The following PCDHGA11 variants were observed in gnomAD, a reference collection of about 807,000 sequenced individuals.
PCDHGA11 encodes the protein protocadherin gamma-A11.
In PCDHGA11, 39 loss-of-function variants were observed where a neutral mutation model predicts 60.4. The ratio of observed to expected loss-of-function variants is 0.65; its 90% CI spans 0.50 to 0.84. The LOEUF is 0.84. PCDHGA11 is among the 40% of genes least tolerant of loss of function. PCDHGA11 has a pLI of 0.00. For synonymous variants in PCDHGA11, 533 were observed against 510.3 expected (o/e 1.04, Z -0.60); for missense variants, 1,165 against 1,197.7 (o/e 0.97, Z 0.40).
In PCDHGA11 at chr5:141,487,844, A is replaced by T; in HGVS notation, c.2434-6963A>T. The T allele has an allele frequency of 1.9e-6, 2 of 1,043,194 alleles. No individual in the cohort carries two copies. The highest frequency in any genetic ancestry group is 2.7e-6 in the Non-Finnish European group (2 of 730,908). The allele number at this position is 1,043,194 out of a possible 1,614,324, so 64.6% of individuals were successfully genotyped here. ...CGGGTCATGCCTATATCTGAGTAAG[A>T]AATGAAAGTAATTGGTGATCAAGAG... On this transcript the variant is annotated intron_variant, in intron 1 of 3. Transcript: ENST00000398587. This position sits in a 1 kb window ranked among gnomAD's most constrained non-coding sequence, Gnocchi z 5.0.
At chr5:141,460,981 GTGTATATA>G (rs1342006423) in intron 1 of PCDHGA11, among the ~76,000 whole-genome samples, 30 of 121,890 alleles carry the variant, frequency 2.5e-4, no homozygotes, top group African/African-American at 5.8e-4. Flanking sequence ...GTGTGTGTGT[GTGTATATA>G]TATATATGTG....
chr5:141,474,325 C>A (rs540113771), intron 1 of PCDHGA11, among the ~76,000 whole-genome samples: 1 of 152,256 alleles, frequency 6.6e-6, no homozygotes, highest in Admixed American at 6.5e-5. Context: ...TTTCAAATCA[C>A]CCTGATGTTT....
intron 3 of PCDHGA11, among the ~76,000 whole-genome samples, chr5:141,505,766 C>T (rs1420683619): frequency 2.0e-5 from 3 of 151,768 alleles, no homozygotes; most frequent in African/African-American, 4.8e-5. Context: ...CAGTGTAGCT[C>T]AGGTCCTAGC....
At chr5:141,462,206 T>A (rs574863016) in intron 1 of PCDHGA11, among the ~76,000 whole-genome samples, 7 of 152,066 alleles carry the variant, frequency 4.6e-5, no homozygotes, top group African/African-American at 1.7e-4. Flanking sequence ...GTGATCCGCC[T>A]GCCTCGGCCT....
At chr5:141,440,472 A>C (rs913774913) in intron 1 of PCDHGA11, 6 of 152,322 alleles carry the variant, frequency 3.9e-5, no homozygotes, top group Admixed American at 3.9e-4. Flanking sequence ...ACGGTAGTTG[A>C]AAATTCTTTA....
In PCDHGA11 at chr5:141,423,303, G is replaced by C. The variant is rs779246046; in HGVS notation, c.2076G>C (p.Leu692=). 2 of 1,614,172 alleles carry C rather than the reference G, an allele frequency of 1.2e-6. No individual in the cohort carries two copies. The highest frequency in any genetic ancestry group is 1.7e-6 in the Non-Finnish European group (2 of 1,180,038). The change falls in exon 1 of 4, where the codon CTG becomes CTC. Residue 692 remains leucine (L), a synonymous_variant. Coordinates refer to ENST00000398587, the MANE Select transcript of PCDHGA11 (RefSeq NM_018914.3). Reference sequence around the variant, plus strand: ...ACTCTGAAACCTCAGACCTCTCGCTGTACTTGGTGGTGGCGGTGGCCGCAG... The same window carrying C: ...ACTCTGAAACCTCAGACCTCTCGCTCTACTTGGTGGTGGCGGTGGCCGCAG... ...LANSETSDLS[L]YLVVAVAAVS...
chr5:141,491,110 C>T lies in PCDHGA11; in HGVS notation c.2434-3697C>T. On this transcript the variant is annotated intron_variant, in intron 1 of 3. Transcript: ENST00000398587. This position sits in a 1 kb window ranked among gnomAD's most constrained non-coding sequence, Gnocchi z 6.9. ...CCCAGGACTGTTCCTCGTGTCTACA[C>T]ACACTGGTGAGGTGCGCACAGCCCG... 3.7e-6 allele frequency: 6 copies of T among 1,614,212 alleles called. No individual in the cohort carries two copies. Among genetic ancestry groups the T allele is most frequent in the Non-Finnish European group, 5.1e-6 (6 of 1,180,024 alleles).
At chr5:141,509,310 G>A (rs1223508453) in intron 3 of PCDHGA11, among the ~76,000 whole-genome samples, 2 of 152,174 alleles carry the variant, frequency 1.3e-5, no homozygotes, top group Non-Finnish European at 1.5e-5. Flanking sequence ...GAGGGAGGCT[G>A]GGAGAGAAGC....
At chr5:141,478,020 A>G (rs1315422039) in intron 1 of PCDHGA11, 2 of 1,613,976 alleles carry the variant, frequency 1.2e-6, no homozygotes, top group Non-Finnish European at 1.7e-6. Flanking sequence ...CGTCCAGTCC[A>G]AGACACAGAT....
At position 141,487,249 on chromosome 5, in the gene PCDHGA11, C is replaced by T. The variant is rs757148469; in HGVS notation, c.2434-7558C>T. ...AAGGAGAATCTCGTCTAACCCTCTACTTGGCTGTGTCCCTAGTGGCAATTT... is the reference window on the plus strand; with the variant it reads ...AAGGAGAATCTCGTCTAACCCTCTATTTGGCTGTGTCCCTAGTGGCAATTT... On this transcript the variant is annotated intron_variant, in intron 1 of 3. Coordinates refer to ENST00000398587, the MANE Select transcript of PCDHGA11 (RefSeq NM_018914.3). The surrounding 1 kb of genome is among the most constrained non-coding windows in gnomAD (Gnocchi z 5.0). 2.5e-6 allele frequency: 4 copies of T among 1,614,164 alleles called. No homozygotes were observed. In the South Asian group the frequency reaches 4.4e-5, roughly 18 times the overall value.
chr5:141,484,591 T>C (rs2099597977), intron 1 of PCDHGA11, among the ~76,000 whole-genome samples: 1 of 152,020 alleles, frequency 6.6e-6, no homozygotes, highest in African/African-American at 2.4e-5. Flanking sequence ...AAGCTACTCA[T>C]TTAGAATACT....
chr5:141,500,182 A>ATTTT lies in PCDHGA11; in HGVS notation c.2493-5209_2493-5206dup, dbSNP rs1199992745. Among the ~76,000 whole-genome samples the ATTTT allele has an allele frequency of 1.7e-3, 223 of 131,716 alleles. 2 individuals are homozygous for ATTTT. Among genetic ancestry groups the ATTTT allele is most frequent in the African/African-American group, 6.2e-3 (201 of 32,350 alleles). The allele number at this position is 131,716 out of a possible 152,430, so 86.4% of individuals were successfully genotyped here. On this transcript the variant is annotated intron_variant, in intron 2 of 3. Transcript: ENST00000398587. ...AAGAACATGCATGAGCTTCATTTTT[A>ATTTT]TTTTTATTTATTTATTTATTTATTT...
intron 2 of PCDHGA11, among the ~76,000 whole-genome samples, chr5:141,498,260 A>C (rs1044675509): frequency 6.6e-6 from 1 of 152,140 alleles, no homozygotes; most frequent in Non-Finnish European, 1.5e-5. Flanking sequence ...GCTGGTGTTG[A>C]GTTCTTCAGT....
intron 1 of PCDHGA11, among the ~76,000 whole-genome samples, chr5:141,436,122 C>T (rs909678739): frequency 4.6e-5 from 7 of 152,128 alleles, no homozygotes; most frequent in African/African-American, 7.2e-5. Flanking sequence ...AACCTCTCTC[C>T]TCCATCATCT....
Position 141,476,500 on chromosome 5 carries a change from C to A in PCDHGA11, c.2434-18307C>A. The A allele has an allele frequency of 6.2e-7, 1 of 1,613,874 alleles. No homozygotes were observed. The highest frequency in any genetic ancestry group is 8.5e-7 in the Non-Finnish European group (1 of 1,179,950). ...GCGTGGAAGTGGTGATCCAGGACAT[C>A]AACGACAACAATCCTGCTTTCCCTA... On this transcript the variant is annotated intron_variant, in intron 1 of 3. Coordinates refer to ENST00000398587, the MANE Select transcript of PCDHGA11 (RefSeq NM_018914.3). The surrounding 1 kb of genome is among the most constrained non-coding windows in gnomAD (Gnocchi z 7.6).
intron 1 of PCDHGA11, among the ~76,000 whole-genome samples, chr5:141,483,889 CT>C (rs1298469461): frequency 6.6e-6 from 1 of 151,866 alleles, no homozygotes; most frequent in Admixed American, 6.6e-5. Flanking sequence ...TTCTATTTCT[CT>C]GAGCTCTGGT....
chr5:141,500,645 A>C (rs2099801792), intron 2 of PCDHGA11, among the ~76,000 whole-genome samples: 1 of 152,228 alleles, frequency 6.6e-6, no homozygotes, highest in African/African-American at 2.4e-5. Flanking sequence ...GTTTTTTAAA[A>C]ATAGCAACTG....
chr5:141,432,452 C>G lies in PCDHGA11; in HGVS notation c.2433+8792C>G. The G allele has an allele frequency of 6.2e-7, 1 of 1,614,212 alleles. No individual in the cohort carries two copies. The highest frequency in any genetic ancestry group is 8.5e-7 in the Non-Finnish European group (1 of 1,180,042). On this transcript the variant is annotated intron_variant, in intron 1 of 3. Coordinates refer to ENST00000398587, the MANE Select transcript of PCDHGA11 (RefSeq NM_018914.3). The surrounding 1 kb of genome is among the most constrained non-coding windows in gnomAD (Gnocchi z 6.0). ...CGACAATGCGCCCGAGATCCTGTACCCCGCCCTCCCCACGGACGGTTCCAC... is the reference window on the plus strand; with the variant it reads ...CGACAATGCGCCCGAGATCCTGTACGCCGCCCTCCCCACGGACGGTTCCAC...
rs772807357 is a variant in PCDHGA11, at chr5:141,431,758, C to G, written c.2433+8098C>G. On this transcript the variant is annotated intron_variant, in intron 1 of 3. Transcript: ENST00000398587. This position sits in a 1 kb window ranked among gnomAD's most constrained non-coding sequence, Gnocchi z 4.8. ...CAGGATATTCTGCGCGAGCCAAAGTCCTGATCACTGTTCTGGACGTGAACG... is the reference window on the plus strand; with the variant it reads ...CAGGATATTCTGCGCGAGCCAAAGTGCTGATCACTGTTCTGGACGTGAACG... 2.0e-5 allele frequency: 32 copies of G among 1,614,054 alleles called. No individual in the cohort carries two copies. The highest frequency in any genetic ancestry group is 2.6e-5 in the Non-Finnish European group (31 of 1,180,028).
Sources: gnomAD v4.1 joint callset for allele counts (sites outside exome capture counted in the v4.1 genomes callset) on GRCh38, gnomAD v4.1.1 for gene constraint, Gnocchi (gnomAD v3.1) non-coding constraint, MANE v1.5 for transcripts, NCBI Gene and HGNC (gene_info 2026-07-23, HGNC 2026-07-21) for gene names.